The following WDR90 variants were observed in gnomAD, a reference collection of about 807,000 sequenced individuals.
The protein encoded by WDR90 is WD repeat domain 90, also known as WD repeat-containing protein 90.
WDR90 carries 238 observed loss-of-function variants against 195.2 expected under a neutral mutation model. That is an observed-to-expected ratio of 1.22 (90% CI 1.10 to 1.36). The LOEUF (loss-of-function observed/expected upper bound fraction) is 1.36. Ranked by LOEUF, WDR90 falls within the 40% of genes most tolerant of loss-of-function variation. The pLI is 0.00. For missense variants in WDR90, 2,734 were observed against 2,439.5 expected, an observed-to-expected ratio of 1.12 and a Z score of -2.54; for synonymous variants, 1,265 against 1,052.4, an observed-to-expected ratio of 1.20 and a Z score of -3.91.
rs746703311 is a variant in WDR90, at chr16:650,681, G to A, written c.531G>A (p.Leu177=). The change falls in exon 5 of 41, where the codon CTG becomes CTA. Residue 177 remains leucine (L), a synonymous_variant. Transcript: ENST00000293879. Reference sequence around the variant, plus strand: ...GCGCCAGCCTGCTGGTCAGGAACCTGTACACCAGTGACCTGTGCTTTGAGC... The same window carrying A: ...GCGCCAGCCTGCTGGTCAGGAACCTATACACCAGTGACCTGTGCTTTGAGC... The part of the protein sequence containing the change: ...RLCASLLVRN[L]YTSDLCFEPA... The A allele has an allele frequency of 3.7e-6, 6 of 1,612,104 alleles. No individual in the cohort carries two copies. The highest frequency in any genetic ancestry group is 4.2e-6 in the Non-Finnish European group (5 of 1,179,366).
chr16:663,848 C>T (rs968427436), intron 34 of WDR90, among the ~76,000 whole-genome samples: 2 of 152,190 alleles, frequency 1.3e-5, no homozygotes, highest in Non-Finnish European at 2.9e-5. Flanking sequence ...CCTTCCCCTG[C>T]TGGACCAGGT....
At chr16:656,106 T>C in intron 17 of WDR90, 196 bp from the exon 18 acceptor site, 1 of 748,948 alleles carries the variant, frequency 1.3e-6, no homozygotes, top group East Asian at 2.7e-5. Flanking sequence ...ACGTGGGTAG[T>C]GTGTGAAGCC....
intron 34 of WDR90, chr16:663,542 C>T (rs1349439523): frequency 5.5e-6 from 1 of 180,306 alleles, no homozygotes. Flanking sequence ...CTCAAGAGGT[C>T]AGGAGGCCCA....
At chr16:650,769 G>T in intron 5 of WDR90, 60 bp downstream of exon 5, 2 of 1,578,358 alleles carry the variant, frequency 1.3e-6, no homozygotes, top group South Asian at 2.3e-5. Flanking sequence ...GCCCTGGAGA[G>T]GCCCAAGTCC....
intron 33 of WDR90, 102 bp downstream of exon 33, chr16:662,433 A>ACCGG: frequency 7.1e-7 from 1 of 1,400,406 alleles, no homozygotes; most frequent in Non-Finnish European, 9.7e-7. Context: ...CGCCCTGCAG[A>ACCGG]CCGGCCGCCT....
chr16:660,698 C>T lies in WDR90; in HGVS notation c.3375C>T (p.Val1125=). 6.4e-7 allele frequency: 1 copy of T among 1,571,802 alleles called. No individual in the cohort carries two copies. Among genetic ancestry groups the T allele is most frequent in the Non-Finnish European group, 8.6e-7 (1 of 1,158,848 alleles). ...GCGGGAATGGGCGGGCCAACATGGT[C>T]TGGAGGCCGGACACAGGTGGGGGCC... ...GYSGNGRANM[V]WRPDTGFFAY... The change falls in exon 28 of 41, where the codon GTC becomes GTT. Residue 1125 remains valine (V), a synonymous_variant. Coordinates refer to ENST00000293879, the MANE Select transcript of WDR90 (RefSeq NM_145294.5).
intron 18 of WDR90, 34 bp from the exon 19 acceptor site, chr16:656,698 C>T: frequency 6.3e-7 from 1 of 1,595,920 alleles, no homozygotes; most frequent in Non-Finnish European, 8.5e-7. Flanking sequence ...CTTGAGATCC[C>T]TGCCCTCCCC....
rs758808232 is a variant in WDR90, at chr16:658,889, CCCCT to C, written c.2896-6_2896-3del. The C allele has an allele frequency of 2.5e-6, 4 of 1,611,182 alleles. No individual in the cohort carries two copies. Among genetic ancestry groups the C allele is most frequent in the Non-Finnish European group, 3.4e-6 (4 of 1,179,912 alleles). ...CGGGGTCCTGCATGTGACGCCGCTA[CCCCT>C]AGGTGTACATCGGCCACTCGGAACC... On this transcript the variant is annotated splice_polypyrimidine_tract_variant and splice_region_variant and intron_variant, in intron 23 of 40. Coordinates refer to ENST00000293879, the MANE Select transcript of WDR90 (RefSeq NM_145294.5).
chr16:664,936 C>T (rs2037991915), intron 34 of WDR90: 1 of 152,514 alleles, frequency 6.6e-6, no homozygotes, highest in Non-Finnish European at 1.5e-5. Context: ...ACCTTGGCCT[C>T]CCAAAGGGCT....
intron 10 of WDR90, among the ~76,000 whole-genome samples, chr16:653,062 G>A (rs1285621483): frequency 6.6e-6 from 1 of 152,232 alleles, no homozygotes; most frequent in Non-Finnish European, 1.5e-5. Flanking sequence ...TTCTTGCACT[G>A]GAGGCGGGGC....
Position 658,089 on chromosome 16 carries a change from G to A in WDR90, c.2605-94G>A, listed in dbSNP as rs538257175. ...GGCAGGTGCTGCCTGGGTGCCGAGT[G>A]CGTGTCCCCGGGACCTCCCTCCCGA... On this transcript the variant is annotated intron_variant, in intron 21 of 40. Transcript: ENST00000293879. 7 of 1,510,304 alleles carry A rather than the reference G, an allele frequency of 4.6e-6. No individual in the cohort carries two copies. In the East Asian group the frequency reaches 9.5e-5, roughly 20 times the overall value. The allele number at this position is 1,510,304 out of a possible 1,614,324, so 93.6% of individuals were successfully genotyped here.
In WDR90 at chr16:652,492, G is replaced by T. The variant is rs753407655; in HGVS notation, c.1079G>T (p.Arg360Met). Residue 360 changes from arginine to methionine, a missense_variant, in exon 10 of 41, where the codon AGG becomes ATG. Arg to Met is a moderately conservative substitution (Grantham distance 91). Coordinates refer to ENST00000293879, the MANE Select transcript of WDR90 (RefSeq NM_145294.5). The stretch of plus-strand genomic sequence containing the variant: ...GGCTTCCTCCCAGACCCAGTCCTGA[G>T]GCTCAAGGGCGTCATCGGCTTTGGG... Reference protein sequence around the residue: ...CEGFLPDPVLRLKGVIGFGGH... With the variant: ...CEGFLPDPVLMLKGVIGFGGH... 2 of 1,610,492 alleles carry T rather than the reference G, an allele frequency of 1.2e-6. No homozygotes were observed. Among genetic ancestry groups the T allele is most frequent in the Non-Finnish European group, 1.7e-6 (2 of 1,178,194 alleles).
chr16:651,099 G>C lies in WDR90; in HGVS notation c.664G>C (p.Val222Leu). 1.2e-6 allele frequency: 2 copies of C among 1,613,502 alleles called. No homozygotes were observed. Among genetic ancestry groups the C allele is most frequent in the Non-Finnish European group, 1.7e-6 (2 of 1,179,928 alleles). The change falls in exon 6 of 41, where the codon GTC (valine) becomes CTC (leucine). Residue 222 changes from valine (V) to leucine (L), a missense_variant. Transcript: ENST00000293879. ...GESWHDRYIH[V>L]RFPSESLKVP... ...GAGCTGGCATGACCGCTACATCCAC[G>C]TCCGGTGAGTGGTTCTGCTTCTTTC...
At position 649,973 on chromosome 16, in the gene WDR90, G is replaced by A. The variant is rs761722372; in HGVS notation, c.103-18G>A. The A allele has an allele frequency of 1.9e-6, 3 of 1,611,100 alleles. No individual in the cohort carries two copies. The highest frequency in any genetic ancestry group is 1.7e-6 in the Non-Finnish European group (2 of 1,178,760). On this transcript the variant is annotated intron_variant, in intron 2 of 40. Coordinates refer to ENST00000293879, the MANE Select transcript of WDR90 (RefSeq NM_145294.5). ...TTCTTCTGGGTGCTGTCGGTGATGC[G>A]GGCTCCCGCTTCTCCAGGACAAGAC...
rs373599730 is a variant in WDR90 at position 658,882 on chromosome 16, G to A, written c.2896-14G>A. 207 of 1,610,284 alleles carry A rather than the reference G, an allele frequency of 1.3e-4. 1 individual carries two copies. The highest frequency in any genetic ancestry group is 1.6e-4 in the Non-Finnish European group (189 of 1,179,676). On this transcript the variant is annotated splice_polypyrimidine_tract_variant and intron_variant, in intron 23 of 40. Transcript: ENST00000293879. ...CCCGCCTCGGGGTCCTGCATGTGACGCCGCTACCCCTAGGTGTACATCGGC... is the reference window on the plus strand; with the variant it reads ...CCCGCCTCGGGGTCCTGCATGTGACACCGCTACCCCTAGGTGTACATCGGC...
At position 667,688 on chromosome 16, in the gene WDR90, T is replaced by A; in HGVS notation, c.*99T>A. 1 of 1,544,544 alleles carries A rather than the reference T, an allele frequency of 6.5e-7. No individual in the cohort carries two copies. The highest frequency in any genetic ancestry group is 8.7e-7 in the Non-Finnish European group (1 of 1,143,448). ...CGCCAGGTTGTCAATGGCCTCATGC[T>A]GGGACAGGCCAGGATTCACGTAAAT... On this transcript the variant is annotated 3_prime_UTR_variant, in exon 41 of 41. Coordinates refer to ENST00000293879, the MANE Select transcript of WDR90 (RefSeq NM_145294.5).
chr16:662,036 GGGAGGC>G lies in WDR90; in HGVS notation c.4014_4019del (p.Glu1338_Ala1339del). The G allele has an allele frequency of 6.2e-7, 1 of 1,602,486 alleles. No individual in the cohort carries two copies. Among genetic ancestry groups the G allele is most frequent in the Non-Finnish European group, 8.5e-7 (1 of 1,179,816 alleles). On this transcript the variant is annotated inframe_deletion, in exon 32 of 41. Coordinates refer to ENST00000293879, the MANE Select transcript of WDR90 (RefSeq NM_145294.5). Reference sequence around the variant, plus strand: ...CGTGCCGGCCGCTGCTTCTTGTCCTGGGAGGCGGATGACGGTGGCATTGGTGAGTGC... The same window carrying G: ...CGTGCCGGCCGCTGCTTCTTGTCCTGGGATGACGGTGGCATTGGTGAGTGC...
At chr16:659,446 AG>A (rs1240813256) in intron 26 of WDR90, 70 bp downstream of exon 26, 2 of 1,548,546 alleles carry the variant, frequency 1.3e-6, no homozygotes, top group East Asian at 2.4e-5. Flanking sequence ...CAGTGGCAGC[AG>A]GTACTCACGC....
rs1486621096 is a variant in WDR90, at chr16:650,266, A to G, written c.292A>G (p.Ile98Val). 3 of 1,612,746 alleles carry G rather than the reference A, an allele frequency of 1.9e-6. No homozygotes were observed. Among genetic ancestry groups the G allele is most frequent in the Non-Finnish European group, 2.5e-6 (3 of 1,179,896 alleles). ...LDVSSKDNQV[I>V]RVSFSNLFKE... is the part of the protein sequence containing the mutation. ...TCCGTCCCCACAGGACAACCAAGTCATCCGTGTGTCTTTCTCCAACCTCTT... is the reference window on the plus strand; with the variant it reads ...TCCGTCCCCACAGGACAACCAAGTCGTCCGTGTGTCTTTCTCCAACCTCTT... The change falls in exon 4 of 41, where the codon ATC (isoleucine) becomes GTC (valine). Residue 98 changes from isoleucine (I) to valine (V), a missense_variant. By Grantham distance (29) the Ile-to-Val change is conservative (BLOSUM62 3). Coordinates refer to ENST00000293879, the MANE Select transcript of WDR90 (RefSeq NM_145294.5).
Sources: gnomAD v4.1 joint callset for allele counts (sites outside exome capture counted in the v4.1 genomes callset) on GRCh38, gnomAD v4.1.1 for gene constraint, MANE v1.5 for transcripts, NCBI Gene and HGNC (gene_info 2026-07-23, HGNC 2026-07-21) for gene names.